PRKG1: variants seen among roughly 807,000 people sequenced by gnomAD.
PRKG1 encodes the protein protein kinase cGMP-dependent 1, also known as cGMP-dependent protein kinase 1.
Under a neutral mutation model 88.1 loss-of-function variants are expected in PRKG1, and 35 were observed. The ratio of observed to expected loss-of-function variants is 0.40; its 90% confidence interval spans 0.30 to 0.53. The LOEUF (loss-of-function observed/expected upper bound fraction) is 0.53. PRKG1 is among the 20% of genes least tolerant of loss of function. PRKG1 has a pLI of 0.59. For synonymous variants in PRKG1, 303 were observed against 292.5 expected (o/e 1.04, Z -0.37); for missense variants, 540 against 839.8 (o/e 0.64, Z 4.41).
chr10:51,230,859 T>G (rs1838826229), intron 2 of PRKG1, among the ~76,000 whole-genome samples: 1 of 152,076 alleles, frequency 6.6e-6, no homozygotes, highest in Admixed American at 6.6e-5. Context: ...CATGATTGGT[T>G]AAATCCACGA....
chr10:51,336,101 C>G (rs776169855), intron 2 of PRKG1, among the ~76,000 whole-genome samples: 9 of 152,074 alleles, frequency 5.9e-5, no homozygotes, highest in Non-Finnish European at 1.2e-4. Flanking sequence ...GCCTGTAATC[C>G]CAACACTTTG....
At chr10:52,183,157 A>G (rs1462829512) in intron 9 of PRKG1, among the ~76,000 whole-genome samples, 3 of 152,096 alleles carry the variant, frequency 2.0e-5, no homozygotes, top group South Asian at 2.1e-4. Context: ...ACTAGACCCC[A>G]CCTCCAACAT....
chr10:51,686,215 G>A lies in PRKG1; in HGVS notation c.593-118370G>A, dbSNP rs552690983. 3.3e-5 allele frequency among the ~76,000 whole-genome samples: 5 copies of A among 152,166 alleles called. No individual in the cohort carries two copies. In the South Asian group the frequency reaches 8.3e-4, roughly 25 times the overall value. On this transcript the variant is annotated intron_variant, in intron 3 of 17. Transcript: ENST00000373980. Reference sequence around the variant, plus strand: ...TTGTTATACAGGTAAACTGCGTGTCGCGGGGCTTTGGTGTACAATTAATTT... The same window carrying A: ...TTGTTATACAGGTAAACTGCGTGTCACGGGGCTTTGGTGTACAATTAATTT...
chr10:52,191,858 A>C (rs1441836167), intron 9 of PRKG1, among the ~76,000 whole-genome samples: 6 of 151,768 alleles, frequency 4.0e-5, no homozygotes, highest in Non-Finnish European at 8.8e-5. Context: ...ATTATTATCC[A>C]ATTTATTTTT....
At chr10:51,379,396 C>T (rs751203035) in intron 2 of PRKG1, among the ~76,000 whole-genome samples, 4 of 152,044 alleles carry the variant, frequency 2.6e-5, no homozygotes, top group Non-Finnish European at 5.9e-5. Flanking sequence ...CATTATTAGT[C>T]CCTTTTATAG....
intron 5 of PRKG1, among the ~76,000 whole-genome samples, chr10:51,954,024 A>C (rs927841803): frequency 6.6e-6 from 1 of 152,130 alleles, no homozygotes; most frequent in East Asian, 1.9e-4. Flanking sequence ...AAGATTTACT[A>C]ATGAATTATT....
intron 2 of PRKG1, among the ~76,000 whole-genome samples, chr10:51,297,252 C>T (rs916990820): frequency 6.6e-6 from 1 of 152,070 alleles, no homozygotes; most frequent in Non-Finnish European, 1.5e-5. Context: ...GGGTATTGAA[C>T]TCTGTGAATC....
At chr10:51,544,586 G>T (rs1842399599) in intron 3 of PRKG1, among the ~76,000 whole-genome samples, 1 of 152,050 alleles carries the variant, frequency 6.6e-6, no homozygotes, top group Admixed American at 6.6e-5. Flanking sequence ...TGGGATGGCT[G>T]GGTCAAATGG....
chr10:51,815,578 T>C (rs1001438849), intron 4 of PRKG1, among the ~76,000 whole-genome samples: 3 of 152,176 alleles, frequency 2.0e-5, no homozygotes, highest in Non-Finnish European at 4.4e-5. Flanking sequence ...AGAAAGCGTC[T>C]TAGTGTGTAC....
intron 3 of PRKG1, among the ~76,000 whole-genome samples, chr10:51,763,425 T>TA (rs1050992092): frequency 2.3e-4 from 35 of 151,566 alleles, no homozygotes; most frequent in Middle Eastern, 3.4e-3. Flanking sequence ...ACAGCTAATT[T>TA]AAAAAAAATT....
chr10:52,020,091 G>GT (rs146390694), intron 5 of PRKG1, among the ~76,000 whole-genome samples: 60,620 of 151,484 alleles, frequency 0.4, 12,346 homozygotes, highest in Admixed American at 0.43. Context: ...CAGTTTCTGA[G>GT]TTTTTTTAAT....
At chr10:51,414,999 G>A (rs1032470861) in intron 2 of PRKG1, among the ~76,000 whole-genome samples, 4 of 152,142 alleles carry the variant, frequency 2.6e-5, no homozygotes, top group Non-Finnish European at 1.5e-5. Flanking sequence ...TGTTTTAAGG[G>A]CTTCACATGT....
intron 2 of PRKG1, among the ~76,000 whole-genome samples, chr10:51,177,144 G>A (rs1319045696): frequency 6.6e-6 from 1 of 152,130 alleles, no homozygotes; most frequent in Non-Finnish European, 1.5e-5. Context: ...CTTTGTCCAT[G>A]ATTAATGTGT....
chr10:51,358,713 G>A (rs954443750), intron 2 of PRKG1, among the ~76,000 whole-genome samples: 1 of 151,818 alleles, frequency 6.6e-6, no homozygotes, highest in South Asian at 2.1e-4. Context: ...TTACTGGATG[G>A]GAGAGTTAAA....
At chr10:51,769,520 A>G (rs1321432392) in intron 3 of PRKG1, among the ~76,000 whole-genome samples, 1 of 152,196 alleles carries the variant, frequency 6.6e-6, no homozygotes, top group Non-Finnish European at 1.5e-5. Context: ...TATTCCACAT[A>G]TGAAATATTC....
intron 2 of PRKG1, among the ~76,000 whole-genome samples, chr10:51,425,749 C>A (rs1208492249): frequency 6.6e-6 from 1 of 152,170 alleles, no homozygotes; most frequent in Non-Finnish European, 1.5e-5. Flanking sequence ...AGCCTTATAC[C>A]TACTGATCAC....
chr10:51,472,023 G>A (rs1840061409), intron 3 of PRKG1, among the ~76,000 whole-genome samples: 1 of 151,704 alleles, frequency 6.6e-6, no homozygotes, highest in African/African-American at 2.4e-5. Context: ...ATGCCAAAGA[G>A]CCTAAAAAGC....
chr10:52,255,557 A>C (rs1841287519), intron 10 of PRKG1, among the ~76,000 whole-genome samples: 1 of 152,074 alleles, frequency 6.6e-6, no homozygotes, highest in Admixed American at 6.6e-5. Flanking sequence ...TTCTTTCTGC[A>C]TCAGTTATTA....
intron 5 of PRKG1, among the ~76,000 whole-genome samples, chr10:51,969,684 GA>G (rs1178113561): frequency 6.6e-6 from 1 of 151,900 alleles, no homozygotes; most frequent in Non-Finnish European, 1.5e-5. Flanking sequence ...AGTTTTCAGA[GA>G]AATGAGAAAG....
Sources: gnomAD v4.1 joint callset for allele counts (sites outside exome capture counted in the v4.1 genomes callset) on GRCh38, gnomAD v4.1.1 for gene constraint, MANE v1.5 for transcripts, NCBI Gene and HGNC (gene_info 2026-07-23, HGNC 2026-07-21) for gene names.